The following SNRNP48 variants were observed in gnomAD, a reference collection of about 807,000 sequenced individuals.
The protein encoded by SNRNP48 is U11/U12 small nuclear ribonucleoprotein 48 kDa protein.
In SNRNP48, 43 loss-of-function variants were observed where a neutral mutation model predicts 47.0. The ratio of observed to expected loss-of-function variants is 0.92; its 90% CI spans 0.72 to 1.18. The LOEUF (loss-of-function observed/expected upper bound fraction) is 1.18. SNRNP48 is among the 50% of genes most tolerant of loss of function. The pLI is 0.00. For missense variants in SNRNP48, 396 were observed against 422.2 expected (o/e 0.94, Z 0.54); for synonymous variants, 138 against 144.0 (o/e 0.96, Z 0.30).
chr6:7,598,159 G>A (rs1304277762), intron 4 of SNRNP48, among the ~76,000 whole-genome samples: 3 of 151,030 alleles, frequency 2.0e-5, no homozygotes, highest in East Asian at 2.0e-4. Flanking sequence ...GAGCCACCGC[G>A]CCTGGCCAAC....
In SNRNP48 at chr6:7,608,834, A is replaced by G. The variant is rs1581841669; in HGVS notation, c.981A>G (p.Glu327=). 1 of 1,515,266 alleles carries G rather than the reference A, an allele frequency of 6.6e-7. No individual in the cohort carries two copies. Among genetic ancestry groups the G allele is most frequent in the East Asian group, 2.3e-5 (1 of 42,980 alleles). 93.9% of individuals were successfully genotyped at this position (1,515,266 alleles called of 1,614,324 possible). The change falls in exon 9 of 9, where the codon GAA becomes GAG. Residue 327 remains glutamate, a synonymous_variant. Coordinates refer to ENST00000342415, the MANE Select transcript of SNRNP48 (RefSeq NM_152551.4). ...ESRRRKERDG[E]RHHSHKRRKQ... ...ACCTCTTTTATTTCAGGGATGGGGA[A>G]AGACACCATAGTCATAAAAGAAGAA...
In SNRNP48 at chr6:7,597,284, A is replaced by C. The variant is rs556804282; in HGVS notation, c.406+2183A>C. 4.6e-5 allele frequency among the ~76,000 whole-genome samples: 7 copies of C among 152,328 alleles called. No homozygotes were observed. The South Asian group carries it at 1.4e-3, about 32-fold the overall frequency. On this transcript the variant is annotated intron_variant, in intron 4 of 8. Transcript: ENST00000342415. The stretch of plus-strand genomic sequence containing the variant: ...TCTGTTAGAAACCCTACATTTAGTA[A>C]AATTTGTGGACCAGGATTCTAGATA...
chr6:7,597,368 A>C (rs143006412), intron 4 of SNRNP48, among the ~76,000 whole-genome samples: 1 of 152,348 alleles, frequency 6.6e-6, no homozygotes, highest in Non-Finnish European at 1.5e-5. Flanking sequence ...CACAAACTTC[A>C]TATCTCTGCA....
chr6:7,601,803 T>C (rs1760027458), intron 5 of SNRNP48, among the ~76,000 whole-genome samples: 1 of 152,112 alleles, frequency 6.6e-6, no homozygotes, highest in South Asian at 2.1e-4. Context: ...ATAAACAATA[T>C]ATTAACAACT....
intron 7 of SNRNP48, 107 bp from the exon 8 acceptor site, chr6:7,605,924 A>AC (rs1434982613): frequency 8.7e-7 from 1 of 1,150,680 alleles, no homozygotes; most frequent in African/African-American, 1.6e-5. Flanking sequence ...GACCATATCT[A>AC]CCATTGGTTT....
intron 4 of SNRNP48, among the ~76,000 whole-genome samples, chr6:7,595,781 C>G (rs1194482539): frequency 6.6e-6 from 1 of 152,120 alleles, no homozygotes; most frequent in African/African-American, 2.4e-5. Context: ...TTGGGATCCC[C>G]TTCTCAGAAA....
chr6:7,597,548 T>A (rs1444066286), intron 4 of SNRNP48, among the ~76,000 whole-genome samples: 2 of 152,204 alleles, frequency 1.3e-5, no homozygotes, highest in African/African-American at 4.8e-5. Flanking sequence ...ACAGAGATAA[T>A]GGATGCTAAA....
rs1474712800 is a variant in SNRNP48 at position 7,597,812 on chromosome 6, T to C, written c.406+2711T>C. 3.9e-5 allele frequency among the ~76,000 whole-genome samples: 6 copies of C among 152,250 alleles called. No individual in the cohort carries two copies. In the East Asian group the frequency reaches 9.6e-4, roughly 24 times the overall value. Reference sequence around the variant, plus strand: ...TTATTTTGATAGTTAAGAGGAACTTTAATTTTGAATTCTTACACTATCTTA... The same window carrying C: ...TTATTTTGATAGTTAAGAGGAACTTCAATTTTGAATTCTTACACTATCTTA... On this transcript the variant is annotated intron_variant, in intron 4 of 8. Coordinates refer to ENST00000342415, the MANE Select transcript of SNRNP48 (RefSeq NM_152551.4).
At chr6:7,598,836 A>G (rs572470815) in intron 4 of SNRNP48, among the ~76,000 whole-genome samples, 2 of 152,366 alleles carry the variant, frequency 1.3e-5, no homozygotes, top group South Asian at 2.1e-4. Flanking sequence ...TCATACAGCT[A>G]TTCAATCTAT....
intron 4 of SNRNP48, 59 bp downstream of exon 4, chr6:7,595,160 C>T: frequency 7.1e-7 from 1 of 1,401,174 alleles, no homozygotes; most frequent in Non-Finnish European, 9.7e-7. Flanking sequence ...TTCTCATAAG[C>T]ATGTTACTAA....
chr6:7,604,253 G>A (rs764828039), intron 6 of SNRNP48, among the ~76,000 whole-genome samples: 7 of 152,246 alleles, frequency 4.6e-5, no homozygotes, highest in East Asian at 1.9e-4. Flanking sequence ...ATGTCACTCC[G>A]CTAGGTTGGA....
At position 7,602,600 on chromosome 6, in the gene SNRNP48, C is replaced by T. The variant is rs984231370; in HGVS notation, c.596-23C>T. On this transcript the variant is annotated intron_variant, in intron 5 of 8. Coordinates refer to ENST00000342415, the MANE Select transcript of SNRNP48 (RefSeq NM_152551.4). ...TTTAAAAGCTTTGAAGGATATAATA[C>T]TTTTATTTTATTCTTTCATTAGACA... is the stretch of plus-strand genomic sequence containing the variant. The T allele has an allele frequency of 5.9e-6, 9 of 1,535,916 alleles. No homozygotes were observed. The Admixed American group carries it at 8.2e-5, about 14-fold the overall frequency.
chr6:7,601,546 T>C (rs766190370), intron 5 of SNRNP48, 22 bp downstream of exon 5: 13 of 1,522,848 alleles, frequency 8.5e-6, no homozygotes, highest in Admixed American at 2.5e-5. Flanking sequence ...ACATCATGGC[T>C]TTACATTTCT....
intron 4 of SNRNP48, chr6:7,599,706 C>T: frequency 7.8e-7 from 1 of 1,284,294 alleles, no homozygotes; most frequent in Non-Finnish European, 1.0e-6. Flanking sequence ...AATTAGGAAC[C>T]TGAATGTACT....
intron 4 of SNRNP48, chr6:7,599,721 A>G (rs1160117245): frequency 7.8e-7 from 1 of 1,284,034 alleles, no homozygotes; most frequent in Admixed American, 2.3e-5. Context: ...TGTACTCCTT[A>G]TTTAAAGATA....
intron 5 of SNRNP48, 99 bp downstream of exon 5, chr6:7,601,623 T>TA (rs1303410568): frequency 7.9e-7 from 1 of 1,268,598 alleles, no homozygotes; most frequent in Non-Finnish European, 1.1e-6. Context: ...TGAGTTAGAG[T>TA]AAAATGGTTT....
intron 4 of SNRNP48, among the ~76,000 whole-genome samples, chr6:7,597,834 C>T (rs1329550916): frequency 1.3e-5 from 2 of 148,676 alleles, no homozygotes; most frequent in Admixed American, 6.7e-5. Flanking sequence ...CTTACACTAT[C>T]TTAAATTAAG....
intron 4 of SNRNP48, among the ~76,000 whole-genome samples, chr6:7,598,439 G>A (rs1250612049): frequency 6.6e-6 from 1 of 152,082 alleles, no homozygotes; most frequent in African/African-American, 2.4e-5. Flanking sequence ...AGGTTGCAGT[G>A]AGCCAAGATG....
At chr6:7,594,236 T>C (rs1759866342) in intron 3 of SNRNP48, 77 bp downstream of exon 3, 1 of 679,574 alleles carries the variant, frequency 1.5e-6, no homozygotes, top group Non-Finnish European at 2.4e-6. Flanking sequence ...ATGAAAAGAA[T>C]GGATTGTATA....
Sources: gnomAD v4.1 joint callset for allele counts (sites outside exome capture counted in the v4.1 genomes callset) on GRCh38, gnomAD v4.1.1 for gene constraint, MANE v1.5 for transcripts, NCBI Gene and HGNC (gene_info 2026-07-23, HGNC 2026-07-21) for gene names.